The following MAP3K9 variants were observed in gnomAD, a reference collection of about 807,000 sequenced individuals.
MAP3K9 encodes mitogen-activated protein kinase kinase kinase 9, also known as mixed lineage kinase 1 (tyr and ser/thr specificity).
A neutral mutation model predicts 95.8 loss-of-function variants in MAP3K9; 46 were observed. The observed-to-expected ratio is 0.48, with a 90% CI of 0.38 to 0.61. MAP3K9 has a LOEUF of 0.61. Among genes scored for constraint, MAP3K9 ranks in the 20% least tolerant of loss-of-function variants. MAP3K9 has a pLI of 0.00. For synonymous variants in MAP3K9, 533 were observed against 593.8 expected (o/e 0.90, Z 1.49); for missense variants, 1,296 against 1,474.3 (o/e 0.88, Z 1.98).
At chr14:70,767,431 T>C (rs1212508790) in intron 2 of MAP3K9, among the ~76,000 whole-genome samples, 1 of 148,984 alleles carries the variant, frequency 6.7e-6, no homozygotes, top group African/African-American at 2.5e-5. Flanking sequence ...GCTGGTCACA[T>C]ACTTGACCAA....
chr14:70,801,982 G>C (rs756196008), intron 1 of MAP3K9, among the ~76,000 whole-genome samples: 2 of 152,188 alleles, frequency 1.3e-5, no homozygotes, highest in Non-Finnish European at 1.5e-5. Flanking sequence ...AACCAGGCCA[G>C]GAAATGTCTT....
chr14:70,776,176 G>A (rs1197624845), intron 2 of MAP3K9, among the ~76,000 whole-genome samples: 3 of 152,174 alleles, frequency 2.0e-5, no homozygotes, highest in Admixed American at 1.3e-4. Flanking sequence ...GCGACAGAGC[G>A]AGACTCCGTC....
At chr14:70,806,609 G>A (rs1283144331) in intron 1 of MAP3K9, among the ~76,000 whole-genome samples, 2 of 152,204 alleles carry the variant, frequency 1.3e-5, no homozygotes, top group Non-Finnish European at 2.9e-5. Flanking sequence ...GTATGACAAT[G>A]AAGATAAGTC....
At chr14:70,740,365 A>G (rs2054053230) in intron 6 of MAP3K9, among the ~76,000 whole-genome samples, 1 of 152,222 alleles carries the variant, frequency 6.6e-6, no homozygotes, top group East Asian at 1.9e-4. Flanking sequence ...AAAAAGATGG[A>G]AAATTCACTG....
intron 2 of MAP3K9, among the ~76,000 whole-genome samples, chr14:70,773,503 C>T (rs1461399120): frequency 6.6e-6 from 1 of 152,208 alleles, no homozygotes; most frequent in Admixed American, 6.5e-5. Context: ...AGTAATGGAA[C>T]CCACAATTGC....
intron 2 of MAP3K9, among the ~76,000 whole-genome samples, chr14:70,800,126 C>A (rs537806579): frequency 4.6e-4 from 70 of 152,288 alleles, no homozygotes; most frequent in African/African-American, 1.6e-3. Flanking sequence ...CACCCTTGGG[C>A]TACCAGGAGG....
At chr14:70,772,395 G>C (rs1466453319) in intron 2 of MAP3K9, among the ~76,000 whole-genome samples, 1 of 152,208 alleles carries the variant, frequency 6.6e-6, no homozygotes, top group African/African-American at 2.4e-5. Flanking sequence ...GAGAGAGAGA[G>C]AGCATTCAAT....
chr14:70,767,383 C>CA (rs67534847), intron 2 of MAP3K9, among the ~76,000 whole-genome samples: 114 of 65,302 alleles, frequency 1.7e-3, no homozygotes, highest in Middle Eastern at 7.6e-3. Flanking sequence ...CACTCAGTCT[C>CA]AAAAAAAAAA....
intron 7 of MAP3K9, among the ~76,000 whole-genome samples, chr14:70,738,930 G>C (rs1207742863): frequency 2.6e-5 from 4 of 152,128 alleles, no homozygotes; most frequent in African/African-American, 4.8e-5. Flanking sequence ...TAATACCTTG[G>C]AGCAAGGGTT....
intron 2 of MAP3K9, among the ~76,000 whole-genome samples, chr14:70,790,979 G>T (rs1375900961): frequency 6.6e-6 from 1 of 152,196 alleles, no homozygotes; most frequent in Non-Finnish European, 1.5e-5. Flanking sequence ...TCTCCTCAGA[G>T]ATCCTGAAGG....
chr14:70,737,247 T>C (rs747993580), intron 8 of MAP3K9, among the ~76,000 whole-genome samples: 3 of 152,206 alleles, frequency 2.0e-5, no homozygotes, highest in Non-Finnish European at 4.4e-5. Flanking sequence ...TTACATACGC[T>C]CACTATGGGC....
chr14:70,747,180 C>T (rs913066166), intron 5 of MAP3K9, among the ~76,000 whole-genome samples: 2 of 152,152 alleles, frequency 1.3e-5, no homozygotes, highest in African/African-American at 4.8e-5. Context: ...TATGGTTTGA[C>T]TGTATCTTCA....
intron 3 of MAP3K9, among the ~76,000 whole-genome samples, chr14:70,751,044 G>A (rs775604739): frequency 6.4e-5 from 5 of 78,118 alleles, no homozygotes; most frequent in Non-Finnish European, 1.3e-4. Flanking sequence ...GCGTGAGTGG[G>A]TTCTTAACGG....
chr14:70,739,637 T>G (rs974407123), intron 7 of MAP3K9, among the ~76,000 whole-genome samples: 1 of 151,560 alleles, frequency 6.6e-6, no homozygotes, highest in Non-Finnish European at 1.5e-5. Flanking sequence ...GGACCTATAC[T>G]TTGAAAAAAA....
intron 5 of MAP3K9, among the ~76,000 whole-genome samples, chr14:70,747,557 G>T (rs1271857750): frequency 1.3e-5 from 2 of 152,102 alleles, no homozygotes; most frequent in South Asian, 2.1e-4. Flanking sequence ...ATCGGTTTTT[G>T]GAATCAGAAG....
At chr14:70,756,405 A>T (rs1389538073) in intron 3 of MAP3K9, among the ~76,000 whole-genome samples, 2 of 152,184 alleles carry the variant, frequency 1.3e-5, no homozygotes, top group Admixed American at 1.3e-4. Context: ...GTTTTCCATT[A>T]AAAAAGGCAA....
rs758243086 is a variant in MAP3K9 at position 70,733,053 on chromosome 14, A to T, written c.2316T>A (p.Ala772=). Residue 772 remains alanine, a synonymous_variant, in exon 11 of 12, where the codon GCT becomes GCA. Coordinates refer to ENST00000554752, the MANE Select transcript of MAP3K9 (RefSeq NM_001284230.2). ...CCAGGGGAAGCAGCTGGCACTTGCC[A>T]GCTTCCAGCAAGTCAAACCCTAGGC... ...ATGLGFDLLE[A]GKCQLLPLEE... 208 of 1,613,984 alleles carry T rather than the reference A, an allele frequency of 1.3e-4. 1 individual carries two copies. Among genetic ancestry groups the T allele is most frequent in the Non-Finnish European group, 1.7e-4 (204 of 1,180,010 alleles).
chr14:70,730,121 A>C lies in MAP3K9; in HGVS notation c.*259T>G. The C allele has an allele frequency of 6.2e-6, 3 of 483,138 alleles. No homozygotes were observed. Among genetic ancestry groups the C allele is most frequent in the Non-Finnish European group, 1.1e-5 (3 of 269,072 alleles). 29.9% of individuals were successfully genotyped at this position (483,138 alleles called of 1,614,324 possible). A position where few individuals can be genotyped will look rare whatever the true frequency, so the allele number is the denominator to read the frequency against. ...CAAGGAAGACTGTGGAGGGTGGGGG[A>C]CATGCATGCACCCCTTCCTCCCCTA... On this transcript the variant is annotated 3_prime_UTR_variant, in exon 12 of 12. Transcript: ENST00000554752.
chr14:70,731,500 G>A (rs1158313213), intron 11 of MAP3K9, among the ~76,000 whole-genome samples: 1 of 152,166 alleles, frequency 6.6e-6, no homozygotes, highest in East Asian at 1.9e-4. Context: ...GCCACATCCA[G>A]TGTCTGCTTT....
Sources: gnomAD v4.1 joint callset for allele counts (sites outside exome capture counted in the v4.1 genomes callset) on GRCh38, gnomAD v4.1.1 for gene constraint, MANE v1.5 for transcripts, NCBI Gene and HGNC (gene_info 2026-07-23, HGNC 2026-07-21) for gene names.